The following OPCML variants were observed in gnomAD, a reference collection of about 807,000 sequenced individuals.
OPCML encodes opioid binding protein/cell adhesion molecule like, also known as opioid-binding protein/cell adhesion molecule.
In OPCML, 13 loss-of-function variants were observed where a neutral mutation model predicts 37.8. That is an observed-to-expected ratio of 0.34 (90% confidence interval 0.22 to 0.55). The LOEUF (loss-of-function observed/expected upper bound fraction) is 0.55. OPCML is among the 20% of genes least tolerant of loss of function. The pLI is 0.91. For synonymous variants in OPCML, 176 were observed against 168.8 expected, an observed-to-expected ratio of 1.04 and a Z score of -0.33; for missense variants, 341 against 435.6, an observed-to-expected ratio of 0.78 and a Z score of 1.93.
chr11:133,483,685 T>A (rs1947438791), intron 1 of OPCML, among the ~76,000 whole-genome samples: 1 of 132,898 alleles, frequency 7.5e-6, no homozygotes, highest in Non-Finnish European at 1.6e-5. Flanking sequence ...GATAGATAGA[T>A]AGATAGATAG....
Position 132,913,987 on chromosome 11 carries a change from T to A in OPCML, c.146+28939A>T, listed in dbSNP as rs1944518515. Among the ~76,000 whole-genome samples, 3 of 152,194 alleles carry A rather than the reference T, an allele frequency of 2.0e-5. No individual in the cohort carries two copies. In the South Asian group the frequency reaches 6.2e-4, roughly 31 times the overall value. On this transcript the variant is annotated intron_variant, in intron 2 of 7. Transcript: ENST00000524381. ...TGCTATTGGCATAACATCCTATCAG[T>A]GCAGTTAATTACATCCACTTGGAGT...
At chr11:133,027,623 A>G (rs1349115525) in intron 1 of OPCML, among the ~76,000 whole-genome samples, 1 of 133,354 alleles carries the variant, frequency 7.5e-6, no homozygotes, top group Non-Finnish European at 1.6e-5. Flanking sequence ...TGTGTTTGGT[A>G]TGTGTGGTGT....
rs114359279 is a variant in OPCML at position 133,091,347 on chromosome 11, C to T, written c.62-148337G>A. Reference sequence around the variant, plus strand: ...TCACAGAGCATCCTCACTAGAGCCACGTGTAGTGGAGCTGTGGGAATGAGT... The same window carrying T: ...TCACAGAGCATCCTCACTAGAGCCATGTGTAGTGGAGCTGTGGGAATGAGT... On this transcript the variant is annotated intron_variant, in intron 1 of 7. Coordinates refer to ENST00000524381, the MANE Select transcript of OPCML (RefSeq NM_001012393.5). 5.6e-3 allele frequency among the ~76,000 whole-genome samples: 860 copies of T among 152,330 alleles called. 13 individuals carry two copies. Among genetic ancestry groups the T allele is most frequent in the African/African-American group, 0.01 (429 of 41,576 alleles).
At chr11:133,421,956 C>G in intron 1 of OPCML, 1 of 329,448 alleles carries the variant, frequency 3.0e-6, no homozygotes, top group Non-Finnish European at 4.3e-6. Context: ...GATACTAACA[C>G]AGCTCTTTCT....
chr11:133,342,505 A>C (rs1300487938), intron 1 of OPCML, among the ~76,000 whole-genome samples: 1 of 152,226 alleles, frequency 6.6e-6, no homozygotes, highest in Admixed American at 6.5e-5. Flanking sequence ...GATCAAAGTG[A>C]TGAGGAGCAA....
chr11:133,439,781 T>C (rs757532417), intron 1 of OPCML, among the ~76,000 whole-genome samples: 3 of 152,046 alleles, frequency 2.0e-5, no homozygotes, highest in Non-Finnish European at 4.4e-5. Flanking sequence ...CTAAGTCTTA[T>C]AATAAAACCA....
At chr11:132,625,762 G>C (rs964485555) in intron 3 of OPCML, among the ~76,000 whole-genome samples, 2 of 151,992 alleles carry the variant, frequency 1.3e-5, no homozygotes, top group Admixed American at 1.3e-4. Context: ...ATGGTGTCTG[G>C]CATCAGTGAC....
At chr11:132,620,693 T>C (rs1271610312) in intron 3 of OPCML, among the ~76,000 whole-genome samples, 2 of 152,200 alleles carry the variant, frequency 1.3e-5, no homozygotes, top group African/African-American at 4.8e-5. Context: ...CTTGGAATCA[T>C]TGGTTCTCAG....
intron 4 of OPCML, among the ~76,000 whole-genome samples, chr11:132,455,737 T>C (rs1358643702): frequency 6.6e-6 from 1 of 151,870 alleles, no homozygotes; most frequent in Non-Finnish European, 1.5e-5. Context: ...AGACTACCGT[T>C]GTCTGTCAAA....
chr11:133,112,953 C>T (rs1949279562), intron 1 of OPCML, among the ~76,000 whole-genome samples: 1 of 152,246 alleles, frequency 6.6e-6, no homozygotes, highest in African/African-American at 2.4e-5. Context: ...CCCCTTACTC[C>T]ATGCCAGACC....
At chr11:132,846,675 A>G (rs1358033614) in intron 2 of OPCML, among the ~76,000 whole-genome samples, 1 of 152,196 alleles carries the variant, frequency 6.6e-6, no homozygotes, top group Admixed American at 6.5e-5. Context: ...TTGTCTGGTC[A>G]TTGGACAATA....
intron 3 of OPCML, among the ~76,000 whole-genome samples, chr11:132,553,860 A>C (rs2096388129): frequency 6.6e-6 from 1 of 152,206 alleles, no homozygotes; most frequent in Non-Finnish European, 1.5e-5. Context: ...CTGAAGCTGA[A>C]TTGGATCTAC....
At chr11:132,927,949 T>C (rs546784799) in intron 2 of OPCML, among the ~76,000 whole-genome samples, 2 of 151,846 alleles carry the variant, frequency 1.3e-5, no homozygotes, top group East Asian at 3.9e-4. Flanking sequence ...GGATATAGCA[T>C]AAAGAAAATA....
At chr11:132,559,402 T>TA (rs1229266428) in intron 3 of OPCML, among the ~76,000 whole-genome samples, 26 of 152,138 alleles carry the variant, frequency 1.7e-4, no homozygotes, top group Admixed American at 6.5e-5. Flanking sequence ...GGTCACAGGA[T>TA]ACATTTATCA....
chr11:132,479,282 G>C (rs1013851429), intron 4 of OPCML, among the ~76,000 whole-genome samples: 1 of 152,116 alleles, frequency 6.6e-6, no homozygotes, highest in Non-Finnish European at 1.5e-5. Flanking sequence ...CTGGAAAATC[G>C]GGTCACTCCC....
At chr11:132,852,903 T>A (rs1273752937) in intron 2 of OPCML, among the ~76,000 whole-genome samples, 1 of 149,520 alleles carries the variant, frequency 6.7e-6, no homozygotes, top group Non-Finnish European at 1.5e-5. Context: ...TAAAAGGTTG[T>A]TAAAAAAAAA....
At chr11:133,146,312 CTTTTT>C (rs869237328) in intron 1 of OPCML, among the ~76,000 whole-genome samples, 4,451 of 128,720 alleles carry the variant, frequency 0.035, 105 homozygotes, top group South Asian at 0.075. Context: ...TCCATCTTTT[CTTTTT>C]TTTTTTTTTT....
At chr11:132,804,568 G>A (rs530592951) in intron 2 of OPCML, among the ~76,000 whole-genome samples, 2 of 150,964 alleles carry the variant, frequency 1.3e-5, no homozygotes, top group Admixed American at 6.6e-5. Flanking sequence ...TTTAGGCCCC[G>A]CTAGAATGAT....
chr11:132,519,975 G>A (rs891574365), intron 4 of OPCML, among the ~76,000 whole-genome samples: 18 of 152,146 alleles, frequency 1.2e-4, no homozygotes, highest in African/African-American at 4.3e-4. Context: ...AGTCTCAGCA[G>A]GTTTATTTTA....
Sources: gnomAD v4.1 joint callset for allele counts (sites outside exome capture counted in the v4.1 genomes callset) on GRCh38, gnomAD v4.1.1 for gene constraint, MANE v1.5 for transcripts, NCBI Gene and HGNC (gene_info 2026-07-23, HGNC 2026-07-21) for gene names.